The following AFAP1L2 variants were observed in gnomAD, a reference collection of about 807,000 sequenced individuals.
The protein encoded by AFAP1L2 is actin filament-associated protein 1-like 2.
Under a neutral mutation model 99.3 loss-of-function variants are expected in AFAP1L2, and 46 were observed. The ratio of observed to expected loss-of-function variants is 0.46; its 90% CI spans 0.37 to 0.59. The LOEUF (loss-of-function observed/expected upper bound fraction) is 0.59, where lower values mean the gene tolerates loss of function less well. Ranked by LOEUF, AFAP1L2 falls within the 20% of genes least tolerant of loss-of-function variation. AFAP1L2 has a pLI of 0.00. For synonymous variants in AFAP1L2, 397 were observed against 419.1 expected (o/e 0.95, Z 0.64); for missense variants, 959 against 1,034.9 (o/e 0.93, Z 1.01).
At chr10:114,335,299 ATT>A (rs398054745) in intron 2 of AFAP1L2, among the ~76,000 whole-genome samples, 86 of 150,420 alleles carry the variant, frequency 5.7e-4, no homozygotes, top group African/African-American at 1.9e-3. Flanking sequence ...ATACTGCATG[ATT>A]TTTTTTTTTA....
chr10:114,362,817 A>C, intron 1 of AFAP1L2: 1 of 579,194 alleles, frequency 1.7e-6, no homozygotes, highest in South Asian at 7.6e-5. Context: ...AAAAAATCTG[A>C]TTTTCCACTG....
In AFAP1L2 at chr10:114,300,545, G is replaced by A. The variant is rs763900102; in HGVS notation, c.1688C>T (p.Ser563Phe). The A allele has an allele frequency of 1.2e-6, 2 of 1,614,224 alleles. No homozygotes were observed. The highest frequency in any genetic ancestry group is 1.7e-6 in the Non-Finnish European group (2 of 1,180,030). Reference sequence around the variant, plus strand: ...GGCCTCAGTTGCATTGTCCAGGCAGGACAACGTCGGGGAGGAGGCCTGGGC... The same window carrying A: ...GGCCTCAGTTGCATTGTCCAGGCAGAACAACGTCGGGGAGGAGGCCTGGGC... ...AQAQASSPTL[S>F]CLDNATEALP... Residue 563 changes from serine (S) to phenylalanine (F), a missense_variant, in exon 14 of 19, where the codon TCC becomes TTC. Ser to Phe is a radical substitution (Grantham distance 155). Coordinates refer to ENST00000304129, the MANE Select transcript of AFAP1L2 (RefSeq NM_001001936.3).
intron 4 of AFAP1L2, chr10:114,325,895 AG>A (rs1333209818): frequency 7.8e-7 from 1 of 1,288,376 alleles, no homozygotes; most frequent in Non-Finnish European, 1.0e-6. Context: ...TGTGGCAGTA[AG>A]GTCTCCCCAG....
At chr10:114,323,520 C>T (rs1423489718) in intron 4 of AFAP1L2, among the ~76,000 whole-genome samples, 1 of 152,190 alleles carries the variant, frequency 6.6e-6, no homozygotes, top group Non-Finnish European at 1.5e-5. Flanking sequence ...CAAAATGAGG[C>T]TCAAGCCCCC....
upstream of AFAP1L2, chr10:114,404,803 G>A (rs1347312773): frequency 2.7e-5 from 7 of 257,490 alleles, no homozygotes; most frequent in Non-Finnish European, 5.1e-5. Flanking sequence ...AACGAGACTG[G>A]GACGTTCCCA....
At chr10:114,336,550 G>C (rs2048003193) in intron 2 of AFAP1L2, among the ~76,000 whole-genome samples, 1 of 152,246 alleles carries the variant, frequency 6.6e-6, no homozygotes, top group African/African-American at 2.4e-5. Context: ...AGTGCTTAGA[G>C]GTCTGCAGAG....
chr10:114,308,034 G>A (rs878917919), intron 9 of AFAP1L2, 125 bp from the exon 10 acceptor site: 14 of 753,902 alleles, frequency 1.9e-5, no homozygotes, highest in Middle Eastern at 2.7e-4. Flanking sequence ...ACATATGCGC[G>A]CACATATGCA....
At chr10:114,328,271 G>A (rs1390583865) in intron 4 of AFAP1L2, among the ~76,000 whole-genome samples, 1 of 152,186 alleles carries the variant, frequency 6.6e-6, no homozygotes, top group Non-Finnish European at 1.5e-5. Context: ...GCTCGTGGCC[G>A]ATAAGCATCC....
In AFAP1L2 at chr10:114,295,583, G is replaced by C. The variant is rs1380877512; in HGVS notation, c.*459C>G. ...TTGGAGAGAACTGAAGGCAAGGATGGTTTAATCCCCAACTGCTAAGTATTG... is the reference window on the plus strand; with the variant it reads ...TTGGAGAGAACTGAAGGCAAGGATGCTTTAATCCCCAACTGCTAAGTATTG... On this transcript the variant is annotated 3_prime_UTR_variant, in exon 19 of 19. Transcript: ENST00000304129. The C allele has an allele frequency of 6.1e-6, 6 of 987,836 alleles. No homozygotes were observed. The highest frequency in any genetic ancestry group is 4.8e-6 in the Non-Finnish European group (4 of 831,720). 61.2% of individuals were successfully genotyped at this position (987,836 alleles called of 1,614,324 possible). A position where few individuals can be genotyped will look rare whatever the true frequency, so the allele number is the denominator to read the frequency against.
intron 2 of AFAP1L2, among the ~76,000 whole-genome samples, chr10:114,333,721 G>T (rs2047541735): frequency 6.6e-6 from 1 of 152,146 alleles, no homozygotes; most frequent in Admixed American, 6.5e-5. Flanking sequence ...TGAAGCAGGA[G>T]AATCACTTGA....
At chr10:114,290,866 G>A (rs2039523335), downstream of AFAP1L2, among the ~76,000 whole-genome samples, 2 of 152,160 alleles carry the variant, frequency 1.3e-5, no homozygotes. Flanking sequence ...AGGTTTGAGA[G>A]AAAAGAAGTC....
rs996028410 is a variant in AFAP1L2 at position 114,348,003 on chromosome 10, G to T, written c.17-7272C>A. On this transcript the variant is annotated intron_variant, in intron 1 of 18. Coordinates refer to ENST00000304129, the MANE Select transcript of AFAP1L2 (RefSeq NM_001001936.3). ...CCCCTAGGCTCAGATGCTGGCAACC[G>T]CAAATCTGCTTTCGGTCCAGTGGAT... Among the ~76,000 whole-genome samples the T allele has an allele frequency of 2.6e-5, 4 of 152,074 alleles. No individual in the cohort carries two copies. In the South Asian group the frequency reaches 8.3e-4, roughly 32 times the overall value.
In AFAP1L2 at chr10:114,404,472, G is replaced by T. The variant is rs1475140418; in HGVS notation, c.-17C>A. 1.3e-6 allele frequency: 2 copies of T among 1,536,292 alleles called. No individual in the cohort carries two copies. The highest frequency in any genetic ancestry group is 1.7e-6 in the Non-Finnish European group (2 of 1,144,404). On this transcript the variant is annotated 5_prime_UTR_variant, in exon 1 of 19. Transcript: ENST00000304129. The stretch of plus-strand genomic sequence containing the variant: ...CCGCTCCATCGGGGCCACGGAGTGC[G>T]CTCCTCGCGGCTCGGCTTCTGCGCT...
chr10:114,290,156 C>A, downstream of AFAP1L2: 2 of 1,511,014 alleles, frequency 1.3e-6, no homozygotes, highest in Non-Finnish European at 1.8e-6. Flanking sequence ...AGCCTTGCAC[C>A]TCTACTGGGC....
At chr10:114,298,860 T>G (rs76785910) in intron 16 of AFAP1L2, among the ~76,000 whole-genome samples, 4,430 of 152,186 alleles carry the variant, frequency 0.029, 239 homozygotes, top group African/African-American at 0.1. Context: ...ACAGGTGTAG[T>G]TAATGCATGA....
upstream of AFAP1L2, chr10:114,404,686 G>A (rs1374337387): frequency 1.9e-5 from 9 of 467,758 alleles, no homozygotes; most frequent in South Asian, 1.8e-4. Flanking sequence ...CCGGCCCGCC[G>A]AGGCTGACAG....
chr10:114,294,416 G>A (rs1014324769), downstream of AFAP1L2, among the ~76,000 whole-genome samples: 1 of 151,990 alleles, frequency 6.6e-6, no homozygotes, highest in African/African-American at 2.4e-5. Flanking sequence ...ATTGCCTTAG[G>A]TTGTCTATTT....
At chr10:114,301,169 G>A (rs1171110251) in intron 13 of AFAP1L2, among the ~76,000 whole-genome samples, 185 bp downstream of exon 13, 1 of 152,234 alleles carries the variant, frequency 6.6e-6, no homozygotes, top group African/African-American at 2.4e-5. Context: ...CAAGCAAACT[G>A]CACAGCCTCA....
At chr10:114,291,985 A>G (rs1316396674), downstream of AFAP1L2, among the ~76,000 whole-genome samples, 1 of 152,208 alleles carries the variant, frequency 6.6e-6, no homozygotes, top group African/African-American at 2.4e-5. Flanking sequence ...CTTCCTTTCA[A>G]AAGAGGCTGC....
Sources: allele counts gnomAD v4.1 joint callset (sites outside exome capture counted in the v4.1 genomes callset), GRCh38; gene constraint gnomAD v4.1.1; transcripts MANE v1.5; gene names NCBI Gene and HGNC (gene_info 2026-07-23, HGNC 2026-07-21).